The following NRG1 variants were observed in gnomAD, a reference collection of about 807,000 sequenced individuals.
NRG1 encodes the protein pro-neuregulin-1, membrane-bound isoform.
NRG1 carries 18 observed loss-of-function variants against 63.8 expected under a neutral mutation model. The observed-to-expected ratio is 0.28, with a 90% CI of 0.19 to 0.42. The LOEUF (loss-of-function observed/expected upper bound fraction) is 0.42. NRG1 is among the 10% of genes least tolerant of loss of function. NRG1 has a pLI of 1.00. For missense variants in NRG1, 762 were observed against 814.7 expected, an observed-to-expected ratio of 0.94 and a Z score of 0.79; for synonymous variants, 302 against 301.3, an observed-to-expected ratio of 1.00 and a Z score of -0.02.
chr8:31,660,006 G>A (rs745470443), intron 1 of NRG1, among the ~76,000 whole-genome samples: 1 of 152,104 alleles, frequency 6.6e-6, no homozygotes, highest in Non-Finnish European at 1.5e-5. Context: ...TGTCTCAGAG[G>A]GGTTACGGAA....
At chr8:31,984,711 A>G (rs1809752052) in intron 1 of NRG1, among the ~76,000 whole-genome samples, 1 of 152,110 alleles carries the variant, frequency 6.6e-6, no homozygotes, top group African/African-American at 2.4e-5. Context: ...TGATGAAAAA[A>G]GAGGCAAACC....
chr8:32,588,624 T>G (rs1842031463), intron 1 of NRG1, among the ~76,000 whole-genome samples: 1 of 152,226 alleles, frequency 6.6e-6, no homozygotes. Flanking sequence ...GCAAAGAAAT[T>G]ATTCAGTAGT....
intron 1 of NRG1, chr8:32,061,624 G>A (rs182553471): frequency 1.3e-5 from 2 of 152,080 alleles, no homozygotes; most frequent in Admixed American, 6.6e-5. Flanking sequence ...ATGAATTATA[G>A]CAGACAGGTT....
At chr8:32,694,703 G>A (rs1325540872) in intron 5 of NRG1, among the ~76,000 whole-genome samples, 2 of 152,098 alleles carry the variant, frequency 1.3e-5, no homozygotes, top group Non-Finnish European at 2.9e-5. Flanking sequence ...TGAGAGAGAG[G>A]GAGAGTTTGC....
intron 1 of NRG1, among the ~76,000 whole-genome samples, chr8:31,760,337 T>C (rs974697141): frequency 6.6e-6 from 1 of 152,166 alleles, no homozygotes; most frequent in African/African-American, 2.4e-5. Context: ...TTTTCTCAGG[T>C]TTGTCGAAGA....
At chr8:32,684,000 G>A (rs975032846) in intron 5 of NRG1, among the ~76,000 whole-genome samples, 6 of 151,804 alleles carry the variant, frequency 4.0e-5, no homozygotes, top group South Asian at 2.1e-4. Context: ...TTCAAAACCA[G>A]CCTGGCCAAC....
intron 1 of NRG1, among the ~76,000 whole-genome samples, chr8:32,242,224 C>T (rs1456003806): frequency 6.6e-6 from 1 of 152,092 alleles, no homozygotes; most frequent in East Asian, 1.9e-4. Flanking sequence ...GCCTGTAATC[C>T]CAGCACTTTG....
At chr8:32,441,951 T>C (rs1819603983) in intron 1 of NRG1, among the ~76,000 whole-genome samples, 1 of 152,164 alleles carries the variant, frequency 6.6e-6, no homozygotes, top group Non-Finnish European at 1.5e-5. Flanking sequence ...AAATAAAGCA[T>C]ATTTAAAGCT....
intron 5 of NRG1, among the ~76,000 whole-genome samples, chr8:32,723,408 G>A (rs192954862): frequency 1.2e-3 from 189 of 152,144 alleles, no homozygotes; most frequent in African/African-American, 4.2e-3. Flanking sequence ...TGGGTCAGGC[G>A]TGGTGGCTCA....
intron 1 of NRG1, among the ~76,000 whole-genome samples, chr8:32,121,902 C>T (rs566084893): frequency 6.6e-6 from 1 of 152,006 alleles, no homozygotes; most frequent in Non-Finnish European, 1.5e-5. Flanking sequence ...CAAAAATCTT[C>T]ATTTACATTC....
At chr8:32,666,756 C>T (rs1031575102) in intron 5 of NRG1, among the ~76,000 whole-genome samples, 1 of 152,174 alleles carries the variant, frequency 6.6e-6, no homozygotes, top group Non-Finnish European at 1.5e-5. Context: ...AAACATGAAA[C>T]TCTGTACCCA....
At chr8:31,892,512 TTAATA>T (rs946536825) in intron 1 of NRG1, among the ~76,000 whole-genome samples, 58 of 152,124 alleles carry the variant, frequency 3.8e-4, no homozygotes, top group African/African-American at 1.4e-3. Flanking sequence ...GGGGAAGTGC[TTAATA>T]TATAAACAAG....
intron 1 of NRG1, among the ~76,000 whole-genome samples, chr8:32,196,281 C>T (rs1258307849): frequency 6.6e-6 from 1 of 151,956 alleles, no homozygotes; most frequent in African/African-American, 2.4e-5. Context: ...CTGGGGAGGT[C>T]CCACTCTCAG....
At chr8:31,940,548 G>T (rs1199812296) in intron 1 of NRG1, among the ~76,000 whole-genome samples, 1 of 151,678 alleles carries the variant, frequency 6.6e-6, no homozygotes. Context: ...GAAATAACGA[G>T]GATCAGAGCA....
chr8:32,143,882 G>A (rs1451685643), intron 1 of NRG1, among the ~76,000 whole-genome samples: 1 of 152,204 alleles, frequency 6.6e-6, no homozygotes, highest in African/African-American at 2.4e-5. Context: ...TTGCTGCATT[G>A]GCTCATCAAC....
chr8:32,716,333 G>A (rs1257138533), intron 5 of NRG1, among the ~76,000 whole-genome samples: 1 of 152,168 alleles, frequency 6.6e-6, no homozygotes, highest in South Asian at 2.1e-4. Flanking sequence ...GTGAGGAACC[G>A]AATTGGAAGA....
At chr8:32,194,748 A>G (rs896915459) in intron 1 of NRG1, among the ~76,000 whole-genome samples, 9 of 152,174 alleles carry the variant, frequency 5.9e-5, no homozygotes, top group African/African-American at 2.2e-4. Flanking sequence ...GTCCAAAGCA[A>G]TCTTACCTGA....
intron 1 of NRG1, among the ~76,000 whole-genome samples, chr8:32,576,561 AC>A (rs1369572831): frequency 1.3e-5 from 2 of 152,080 alleles, no homozygotes; most frequent in African/African-American, 4.8e-5. Context: ...TCTTAAAAAA[AC>A]AAAACAAAAC....
Position 32,444,320 on chromosome 8 carries a change from T to C in NRG1, c.38-151508T>C, listed in dbSNP as rs185859605. 2.8e-3 allele frequency among the ~76,000 whole-genome samples: 429 copies of C among 152,092 alleles called. 1 individual carries two copies. Among genetic ancestry groups the C allele is most frequent in the Non-Finnish European group, 5.2e-3 (353 of 67,976 alleles). On this transcript the variant is annotated intron_variant, in intron 1 of 10. Coordinates refer to the NRG1 transcript ENST00000519301. ...TTTGTTTGGGGTGGTTTTGTTTGTT[T>C]GTTTGTTTTTGTAGAGACTTTGTTG...
Sources: gnomAD v4.1 joint callset for allele counts (sites outside exome capture counted in the v4.1 genomes callset) on GRCh38, gnomAD v4.1.1 for gene constraint, MANE v1.5 for transcripts, NCBI Gene and HGNC (gene_info 2026-07-23, HGNC 2026-07-21) for gene names.